LMX1A: variants seen among roughly 807,000 people sequenced by gnomAD.
The protein encoded by LMX1A is LIM homeobox transcription factor 1 alpha, also known as LIM homeobox transcription factor 1-alpha.
Under a neutral mutation model 49.1 loss-of-function variants are expected in LMX1A, and 15 were observed. The ratio of observed to expected loss-of-function variants is 0.31; its 90% CI spans 0.20 to 0.47. The LOEUF (loss-of-function observed/expected upper bound fraction) is 0.47, where lower values mean the gene tolerates loss of function less well. Among genes scored for constraint, LMX1A ranks in the 20% least tolerant of loss-of-function variants. The pLI is 1.00. For missense variants in LMX1A, 372 were observed against 475.8 expected, an observed-to-expected ratio of 0.78 and a Z score of 2.03; for synonymous variants, 167 against 185.7, an observed-to-expected ratio of 0.90 and a Z score of 0.82.
intron 3 of LMX1A, among the ~76,000 whole-genome samples, chr1:165,330,078 C>T (rs2101751555): frequency 1.3e-5 from 2 of 152,336 alleles, no homozygotes; most frequent in Middle Eastern, 6.8e-3. Context: ...GCACTTATTT[C>T]ATCTTCCCAG....
intron 4 of LMX1A, among the ~76,000 whole-genome samples, chr1:165,234,809 G>A (rs938929343): frequency 1.3e-5 from 2 of 152,144 alleles, no homozygotes; most frequent in African/African-American, 4.8e-5. Context: ...GCTTATTGAT[G>A]TTTCTGGAAT....
At chr1:165,295,044 A>G (rs762162788) in intron 3 of LMX1A, among the ~76,000 whole-genome samples, 3 of 152,204 alleles carry the variant, frequency 2.0e-5, no homozygotes, top group South Asian at 2.1e-4. Context: ...AAGCCCATCT[A>G]TAAATTTCAG....
intron 3 of LMX1A, among the ~76,000 whole-genome samples, chr1:165,314,913 GC>G (rs1655177341): frequency 6.6e-6 from 1 of 152,170 alleles, no homozygotes; most frequent in African/African-American, 2.4e-5. Flanking sequence ...ATCACAGGCA[GC>G]CCCACTTCAT....
Position 165,202,392 on chromosome 1 carries a change from G to A in LMX1A, c.*1488C>T, listed in dbSNP as rs1457477046. On this transcript the variant is annotated 3_prime_UTR_variant, in exon 9 of 9. Transcript: ENST00000342310. ...CGAGGATCAGAGGAGTGAGTTGGAA[G>A]GAAGAGCCAAGGGTTTCCACTGGAA... The A allele has an allele frequency of 6.6e-6, 1 of 152,590 alleles. No individual in the cohort carries two copies. 9.5% of individuals were successfully genotyped at this position (152,590 alleles called of 1,614,324 possible).
At chr1:165,332,651 A>G (rs1049157506) in intron 3 of LMX1A, among the ~76,000 whole-genome samples, 43 of 152,244 alleles carry the variant, frequency 2.8e-4, no homozygotes, top group African/African-American at 1.0e-3. Context: ...AATTGTGGAA[A>G]AGAAAATTTA....
chr1:165,336,033 T>C (rs1214002393), intron 3 of LMX1A, among the ~76,000 whole-genome samples: 1 of 152,232 alleles, frequency 6.6e-6, no homozygotes. Flanking sequence ...TTAGTATAAT[T>C]AGCATCCATT....
chr1:165,326,980 A>G (rs1456891917), intron 3 of LMX1A, among the ~76,000 whole-genome samples: 3 of 152,192 alleles, frequency 2.0e-5, no homozygotes, highest in Non-Finnish European at 2.9e-5. Flanking sequence ...ATGGCTTACA[A>G]TGGCAATAGT....
At chr1:165,276,850 T>C (rs547974871) in intron 3 of LMX1A, among the ~76,000 whole-genome samples, 2 of 152,352 alleles carry the variant, frequency 1.3e-5, no homozygotes, top group South Asian at 4.1e-4. Context: ...TAACTGGACA[T>C]TGTTATCATT....
At chr1:165,342,505 T>TG (rs1053354706) in intron 3 of LMX1A, among the ~76,000 whole-genome samples, 1 of 151,698 alleles carries the variant, frequency 6.6e-6, no homozygotes, top group African/African-American at 2.4e-5. Context: ...TTCTGGGGGC[T>TG]GGGGGGAAGA....
intron 3 of LMX1A, among the ~76,000 whole-genome samples, chr1:165,250,284 G>A (rs1653010482): frequency 6.6e-6 from 1 of 152,292 alleles, no homozygotes; most frequent in African/African-American, 2.4e-5. Flanking sequence ...TTAATGCCCA[G>A]AATGTATTTG....
intron 4 of LMX1A, among the ~76,000 whole-genome samples, chr1:165,214,295 T>G (rs1176881870): frequency 6.6e-6 from 1 of 152,224 alleles, no homozygotes; most frequent in East Asian, 1.9e-4. Flanking sequence ...AAGACCTGCT[T>G]TCTTCCCATT....
At chr1:165,312,599 G>A (rs1261246522) in intron 3 of LMX1A, among the ~76,000 whole-genome samples, 1 of 152,174 alleles carries the variant, frequency 6.6e-6, no homozygotes, top group African/African-American at 2.4e-5. Flanking sequence ...TATGCTGTAA[G>A]GAAGCCCAAG....
At chr1:165,278,577 T>A (rs1455814384) in intron 3 of LMX1A, among the ~76,000 whole-genome samples, 2 of 152,058 alleles carry the variant, frequency 1.3e-5, no homozygotes, top group African/African-American at 2.4e-5. Context: ...CTCTTCCCCA[T>A]CCTCCCTCTT....
intron 4 of LMX1A, chr1:165,218,730 T>A (rs970058723): frequency 2.0e-5 from 3 of 151,622 alleles, no homozygotes; most frequent in African/African-American, 7.3e-5. Context: ...CCAAGAGGAG[T>A]ACTGGAGAGC....
intron 3 of LMX1A, among the ~76,000 whole-genome samples, chr1:165,294,730 G>A (rs1436411399): frequency 3.9e-5 from 6 of 152,336 alleles, no homozygotes; most frequent in African/African-American, 1.2e-4. Context: ...TCGGGAGGCC[G>A]AGGCAGGCGG....
chr1:165,281,200 GA>G (rs200651337), intron 3 of LMX1A, among the ~76,000 whole-genome samples: 1 of 150,926 alleles, frequency 6.6e-6, no homozygotes, highest in African/African-American at 2.4e-5. Context: ...GTACCTCTGA[GA>G]AAAAAAAAGA....
At chr1:165,250,060 C>T (rs1008487536) in intron 3 of LMX1A, among the ~76,000 whole-genome samples, 5 of 151,584 alleles carry the variant, frequency 3.3e-5, no homozygotes, top group African/African-American at 1.2e-4. Flanking sequence ...GGGAACAACA[C>T]ACTCTGGGGC....
Position 165,292,705 on chromosome 1 carries a change from G to GT in LMX1A, c.264-43066_264-43065insA, listed in dbSNP as rs369667227. Among the ~76,000 whole-genome samples the GT allele has an allele frequency of 1.5e-3, 232 of 151,420 alleles. 1 individual carries two copies. Among genetic ancestry groups the GT allele is most frequent in the African/African-American group, 5.4e-3 (222 of 41,008 alleles). Reference sequence around the variant, plus strand: ...TTTATGCTATATGTTGGAACTCAGAGAAGAACAGGACCCAGGGAATTGGAG... The same window carrying GT: ...TTTATGCTATATGTTGGAACTCAGAGTAAGAACAGGACCCAGGGAATTGGAG... On this transcript the variant is annotated intron_variant, in intron 3 of 8. Coordinates refer to ENST00000342310, the MANE Select transcript of LMX1A (RefSeq NM_177398.4).
intron 5 of LMX1A, among the ~76,000 whole-genome samples, chr1:165,212,083 T>C (rs1651424652): frequency 6.6e-6 from 1 of 152,228 alleles, no homozygotes; most frequent in Non-Finnish European, 1.5e-5. Flanking sequence ...GATACCTCTC[T>C]TGGAGCATAA....
Sources: gnomAD v4.1 joint callset for allele counts (sites outside exome capture counted in the v4.1 genomes callset) on GRCh38, gnomAD v4.1.1 for gene constraint, MANE v1.5 for transcripts, NCBI Gene and HGNC (gene_info 2026-07-23, HGNC 2026-07-21) for gene names.